KDM3B: variants seen among roughly 807,000 people sequenced by gnomAD.
KDM3B encodes the protein lysine demethylase 3B.
In KDM3B, 10 loss-of-function variants were observed where a neutral mutation model predicts 170.0. The ratio of observed to expected loss-of-function variants is 0.06; its 90% confidence interval spans 0.04 to 0.10. KDM3B has a LOEUF of 0.10. Among genes scored for constraint, KDM3B ranks in the 10% least tolerant of loss-of-function variants. The probability of loss-of-function intolerance (pLI) is 1.00; values close to 1 mark genes in which losing one functional copy is unlikely to be tolerated. For missense variants in KDM3B, 1,394 were observed against 2,195.2 expected, an observed-to-expected ratio of 0.64 and a Z score of 7.29; for synonymous variants, 831 against 834.8, an observed-to-expected ratio of 1.00 and a Z score of 0.08.
chr5:138,417,766 T>C (rs1444685026), intron 13 of KDM3B, 156 bp downstream of exon 13: 1 of 706,780 alleles, frequency 1.4e-6, no homozygotes, highest in Non-Finnish European at 2.3e-6. Flanking sequence ...ATAACTTTAC[T>C]CAAAGGATTT....
At chr5:138,407,800 T>G (rs1762861412) in intron 11 of KDM3B, among the ~76,000 whole-genome samples, 1 of 152,048 alleles carries the variant, frequency 6.6e-6, no homozygotes, top group Non-Finnish European at 1.5e-5. Context: ...ACACAACACC[T>G]CTTTTCAGCA....
chr5:138,371,162 A>C (rs1761864569), intron 1 of KDM3B, among the ~76,000 whole-genome samples: 1 of 152,088 alleles, frequency 6.6e-6, no homozygotes, highest in African/African-American at 2.4e-5. Context: ...GAATTTATAT[A>C]GAAAGTCAAA....
Position 138,380,401 on chromosome 5 carries a change from CAAAT to C in KDM3B, c.705+696_705+699del, listed in dbSNP as rs552801025. 2.9e-3 allele frequency among the ~76,000 whole-genome samples: 439 copies of C among 149,882 alleles called. 2 individuals carry two copies. Among genetic ancestry groups the C allele is most frequent in the Non-Finnish European group, 4.5e-3 (306 of 67,570 alleles). On this transcript the variant is annotated intron_variant, in intron 5 of 23. Coordinates refer to ENST00000314358, the MANE Select transcript of KDM3B (RefSeq NM_016604.4). ...AATTATATAAGTCACACTTTAGTAA[CAAAT>C]AAGATCATATAGTACATATAGTTAT...
chr5:138,431,156 G>GT (rs759622832), intron 22 of KDM3B, among the ~76,000 whole-genome samples: 30 of 151,040 alleles, frequency 2.0e-4, no homozygotes, highest in African/African-American at 5.1e-4. Flanking sequence ...CCATATCACC[G>GT]TATCAAGCCC....
intron 1 of KDM3B, among the ~76,000 whole-genome samples, chr5:138,364,900 A>G (rs1395191188): frequency 1.3e-5 from 2 of 152,244 alleles, no homozygotes; most frequent in African/African-American, 2.4e-5. Flanking sequence ...CCTTTGTTCC[A>G]TGTACTTCAC....
chr5:138,375,300 TG>T (rs1296561566), intron 3 of KDM3B, 94 bp downstream of exon 3: 2 of 622,910 alleles, frequency 3.2e-6, no homozygotes, highest in African/African-American at 3.6e-5. Flanking sequence ...TTTTACTGGG[TG>T]GGAACATATT....
intron 1 of KDM3B, among the ~76,000 whole-genome samples, chr5:138,359,944 T>G (rs191905876): frequency 2.0e-4 from 31 of 152,322 alleles, no homozygotes; most frequent in Non-Finnish European, 4.1e-4. Context: ...GCTAGTACTA[T>G]GTTTCTTCTA....
chr5:138,388,279 CTA>C (rs1762333653), intron 7 of KDM3B, among the ~76,000 whole-genome samples: 1 of 152,064 alleles, frequency 6.6e-6, no homozygotes, highest in African/African-American at 2.4e-5. Context: ...ATTTCTGTGA[CTA>C]TGACAGTCAT....
rs900543059 is a variant in KDM3B at position 138,425,339 on chromosome 5, C to T, written c.4240-72C>T. On this transcript the variant is annotated intron_variant, in intron 16 of 23. Coordinates refer to ENST00000314358, the MANE Select transcript of KDM3B (RefSeq NM_016604.4). ...AGGAGGCCCTCCTCAGGAAACCCTC[C>T]TATTCTGTCTCAGCCCTAGAGCTGG... The T allele has an allele frequency of 1.2e-5, 17 of 1,449,396 alleles. No homozygotes were observed. In the African/African-American group the frequency reaches 2.4e-4, roughly 21 times the overall value. The allele number at this position is 1,449,396 out of a possible 1,614,324, so 89.8% of individuals were successfully genotyped here.
At chr5:138,397,576 G>A (rs893084565) in intron 9 of KDM3B, among the ~76,000 whole-genome samples, 3 of 152,066 alleles carry the variant, frequency 2.0e-5, no homozygotes, top group Non-Finnish European at 4.4e-5. Context: ...TGTGGTTCAT[G>A]CCTGTAATCC....
chr5:138,421,670 TC>T (rs1252717311), intron 15 of KDM3B, among the ~76,000 whole-genome samples: 9 of 151,590 alleles, frequency 5.9e-5, no homozygotes, highest in African/African-American at 2.2e-4. Context: ...AAATATGTCA[TC>T]CCATGGGAGG....
intron 23 of KDM3B, among the ~76,000 whole-genome samples, chr5:138,432,859 C>T (rs1430335305): frequency 6.6e-6 from 1 of 151,396 alleles, no homozygotes; most frequent in Non-Finnish European, 1.5e-5. Flanking sequence ...ATTCTCTTGC[C>T]TCAGCCTCCC....
At chr5:138,375,370 T>TTTTA (rs1233197622) in intron 3 of KDM3B, among the ~76,000 whole-genome samples, 164 bp downstream of exon 3, 4 of 150,952 alleles carry the variant, frequency 2.6e-5, no homozygotes, top group Non-Finnish European at 4.4e-5. Flanking sequence ...TTTTATTTTA[T>TTTTA]TTTATTTATT....
At chr5:138,369,795 A>T (rs529819032) in intron 1 of KDM3B, among the ~76,000 whole-genome samples, 1 of 152,332 alleles carries the variant, frequency 6.6e-6, no homozygotes, top group Non-Finnish European at 1.5e-5. Context: ...CTATTGCCCA[A>T]ATAGTGCTTT....
Position 138,398,247 on chromosome 5 carries a change from T to A in KDM3B, c.2901T>A (p.Asp967Glu). ...GFLSPQQSDPDAMNLWIPSSS... is the reference protein window; with the variant it reads ...GFLSPQQSDPEAMNLWIPSSS... Reference sequence around the variant, plus strand: ...TAAGCCCCCAGCAAAGTGACCCTGATGCCATGAACCTGTGGATTCCCTCTT... The same window carrying A: ...TAAGCCCCCAGCAAAGTGACCCTGAAGCCATGAACCTGTGGATTCCCTCTT... The change falls in exon 10 of 24, where the codon GAT (aspartate) becomes GAA (glutamate). Residue 967 changes from aspartate (D) to glutamate (E), a missense_variant. Coordinates refer to ENST00000314358, the MANE Select transcript of KDM3B (RefSeq NM_016604.4). 1.2e-6 allele frequency: 2 copies of A among 1,614,188 alleles called. No individual in the cohort carries two copies. The highest frequency in any genetic ancestry group is 1.7e-6 in the Non-Finnish European group (2 of 1,180,030).
Position 138,372,606 on chromosome 5 carries a change from G to A in KDM3B, c.193-68G>A, listed in dbSNP as rs943215011. 2.2e-6 allele frequency: 3 copies of A among 1,358,268 alleles called. No individual in the cohort carries two copies. In the African/African-American group the frequency reaches 4.3e-5, roughly 20 times the overall value. 84.1% of individuals were successfully genotyped at this position (1,358,268 alleles called of 1,614,324 possible). A position where few individuals can be genotyped will look rare whatever the true frequency, so the allele number is the denominator to read the frequency against. Reference sequence around the variant, plus strand: ...AGTTGTTCAAAACAGTGGGGTTTATGTTCATTTATAAGTATAGTGTGAGAT... The same window carrying A: ...AGTTGTTCAAAACAGTGGGGTTTATATTCATTTATAAGTATAGTGTGAGAT... On this transcript the variant is annotated intron_variant, in intron 1 of 23. Transcript: ENST00000314358.
rs145119422 is a variant in KDM3B, at chr5:138,405,046, A to AT, written c.3199+5049dup. Reference sequence around the variant, plus strand: ...GTGAGCCACCGTGCCCAGCCTACAAATTTTTTTTTTTTTTTGAGACAGAGT... The same window carrying AT: ...GTGAGCCACCGTGCCCAGCCTACAAATTTTTTTTTTTTTTTTGAGACAGAGT... On this transcript the variant is annotated intron_variant, in intron 11 of 23. Transcript: ENST00000314358. 8.8e-3 allele frequency among the ~76,000 whole-genome samples: 1,117 copies of AT among 126,706 alleles called. 7 individuals carry two copies. The highest frequency in any genetic ancestry group is 0.023 in the African/African-American group (746 of 32,294). 83.1% of individuals were successfully genotyped at this position (126,706 alleles called of 152,430 possible).
chr5:138,429,892 A>G lies in KDM3B; in HGVS notation c.4820A>G (p.Lys1607Arg). ...EVTKQRIHDGKEKPGALWHIY... is the reference protein window; with the variant it reads ...EVTKQRIHDGREKPGALWHIY... ...ACGAAGCAGAGGATTCATGATGGAA[A>G]AGAGAAGCCAGGTGCTTTATGGCAC... is the stretch of plus-strand genomic sequence containing the variant. The change falls in exon 21 of 24, where the codon AAA becomes AGA. Residue 1607 changes from lysine (K) to arginine (R), a missense_variant. Transcript: ENST00000314358. 2 of 1,614,236 alleles carry G rather than the reference A, an allele frequency of 1.2e-6. No individual in the cohort carries two copies. The highest frequency in any genetic ancestry group is 8.5e-7 in the Non-Finnish European group (1 of 1,180,024).
At chr5:138,360,640 C>T (rs963161018) in intron 1 of KDM3B, among the ~76,000 whole-genome samples, 4 of 144,264 alleles carry the variant, frequency 2.8e-5, no homozygotes, top group African/African-American at 7.7e-5. Flanking sequence ...GGCACATTGT[C>T]GGCTTGCTGC....
Sources: gnomAD v4.1 joint callset for allele counts (sites outside exome capture counted in the v4.1 genomes callset) on GRCh38, gnomAD v4.1.1 for gene constraint, MANE v1.5 for transcripts, NCBI Gene and HGNC (gene_info 2026-07-23, HGNC 2026-07-21) for gene names.